Variants in EPHA6 observed in about 807,000 individuals in gnomAD.
EPHA6 encodes EPH receptor A6, also known as ephrin type-A receptor 6.
A neutral mutation model predicts 112.0 loss-of-function variants in EPHA6; 50 were observed. The observed-to-expected ratio is 0.45, with a 90% CI of 0.36 to 0.56. The LOEUF (loss-of-function observed/expected upper bound fraction) is 0.56. Ranked by LOEUF, EPHA6 falls within the 20% of genes least tolerant of loss-of-function variation. The pLI is 0.00. For missense variants in EPHA6, 1,280 were observed against 1,417.4 expected (o/e 0.90, Z 1.56); for synonymous variants, 529 against 490.7 (o/e 1.08, Z -1.03).
At chr3:97,107,356 T>C (rs2047598230) in intron 3 of EPHA6, among the ~76,000 whole-genome samples, 1 of 152,116 alleles carries the variant, frequency 6.6e-6, no homozygotes, top group Non-Finnish European at 1.5e-5. Flanking sequence ...TCCTACTCCC[T>C]TTCATAACCG....
intron 3 of EPHA6, among the ~76,000 whole-genome samples, chr3:97,102,169 C>G (rs987577518): frequency 2.6e-5 from 4 of 152,000 alleles, no homozygotes; most frequent in African/African-American, 9.7e-5. Context: ...TGTTGGAGAG[C>G]CACATTTAGG....
At chr3:97,170,826 A>G (rs1017285549) in intron 3 of EPHA6, among the ~76,000 whole-genome samples, 1 of 152,012 alleles carries the variant, frequency 6.6e-6, no homozygotes, top group African/African-American at 2.4e-5. Flanking sequence ...ATACATATGC[A>G]CTCTTCATAT....
chr3:96,953,618 T>C (rs1012022042), intron 2 of EPHA6, among the ~76,000 whole-genome samples: 2 of 152,234 alleles, frequency 1.3e-5, no homozygotes, highest in African/African-American at 4.8e-5. Flanking sequence ...TTGGTATCTG[T>C]CTTTCAGACC....
intron 1 of EPHA6, among the ~76,000 whole-genome samples, chr3:96,843,908 CTCAGTAGATATACTTTATT>C (rs2034910621): frequency 6.6e-6 from 1 of 151,952 alleles, no homozygotes; most frequent in African/African-American, 2.4e-5. Context: ...CCCAATATTA[CTCAGTAGATATACTTTATT>C]TGAATATATT....
intron 3 of EPHA6, among the ~76,000 whole-genome samples, chr3:97,187,636 GAAA>G: frequency 8.1e-6 from 1 of 123,618 alleles, no homozygotes; most frequent in East Asian, 2.3e-4. Context: ...AGGGAAGAAA[GAAA>G]AAGAGAGAGA....
chr3:97,124,469 A>AAAAGCAAGAAAG, intron 3 of EPHA6, among the ~76,000 whole-genome samples: 1 of 149,856 alleles, frequency 6.7e-6, no homozygotes, highest in East Asian at 2.0e-4. Flanking sequence ...TCTGTTTAAA[A>AAAAGCAAGAAAG]AAAGAAAGAA....
intron 9 of EPHA6, among the ~76,000 whole-genome samples, chr3:97,480,156 G>A (rs2091487435): frequency 6.6e-6 from 1 of 152,070 alleles, no homozygotes; most frequent in Non-Finnish European, 1.5e-5. Context: ...AAGGATTTAA[G>A]TGAGGAACTT....
At chr3:96,862,709 T>A (rs1559781598) in intron 1 of EPHA6, among the ~76,000 whole-genome samples, 2 of 151,964 alleles carry the variant, frequency 1.3e-5, no homozygotes, top group Admixed American at 6.6e-5. Flanking sequence ...TTTAAACTAA[T>A]ACCTTTTAGA....
intron 13 of EPHA6, 25 bp from the exon 14 acceptor site, chr3:97,637,848 T>A (rs369086300): frequency 1.2e-5 from 19 of 1,583,792 alleles, no homozygotes; most frequent in Non-Finnish European, 1.5e-5. Flanking sequence ...ATAAATCAAT[T>A]TACACAATTG....
At chr3:97,455,827 C>T (rs975543081) in intron 7 of EPHA6, among the ~76,000 whole-genome samples, 3 of 151,068 alleles carry the variant, frequency 2.0e-5, no homozygotes, top group Non-Finnish European at 3.0e-5. Flanking sequence ...AAGTAGAAGT[C>T]GCCCTTCAAG....
intron 11 of EPHA6, among the ~76,000 whole-genome samples, chr3:97,544,679 T>C (rs1048222571): frequency 1.3e-5 from 2 of 152,296 alleles, no homozygotes; most frequent in South Asian, 2.1e-4. Context: ...CCAGCTCCTC[T>C]TTGTACCTCT....
At chr3:96,872,422 C>T (rs2036679513) in intron 2 of EPHA6, among the ~76,000 whole-genome samples, 2 of 152,228 alleles carry the variant, frequency 1.3e-5, no homozygotes, top group South Asian at 2.1e-4. Context: ...CTCCTCTCCT[C>T]TTCCTTGCTT....
chr3:97,421,558 C>G (rs1286576061), intron 6 of EPHA6, among the ~76,000 whole-genome samples: 3 of 152,028 alleles, frequency 2.0e-5, no homozygotes, highest in Non-Finnish European at 4.4e-5. Context: ...AATTTTACCC[C>G]AAATGATGTG....
intron 5 of EPHA6, among the ~76,000 whole-genome samples, chr3:97,280,222 A>G (rs2030562057): frequency 6.6e-6 from 1 of 152,236 alleles, no homozygotes; most frequent in South Asian, 2.1e-4. Context: ...ATGAAATTGT[A>G]AAAGTGTAGC....
At chr3:97,645,237 T>A (rs1221209982) in intron 14 of EPHA6, among the ~76,000 whole-genome samples, 3 of 147,914 alleles carry the variant, frequency 2.0e-5, no homozygotes, top group African/African-American at 7.5e-5. Flanking sequence ...GCGGCATTAT[T>A]CACAATAGCA....
chr3:96,883,134 G>T (rs1390564751), intron 2 of EPHA6, among the ~76,000 whole-genome samples: 1 of 152,108 alleles, frequency 6.6e-6, no homozygotes, highest in East Asian at 1.9e-4. Context: ...CAGGAGTAAG[G>T]TGGTATCACA....
At chr3:97,466,429 T>C (rs1056749212) in intron 7 of EPHA6, 1 of 1,587,448 alleles carries the variant, frequency 6.3e-7, no homozygotes, top group African/African-American at 1.4e-5. Context: ...GACTCTCCAT[T>C]TCAAGTGACA....
intron 3 of EPHA6, among the ~76,000 whole-genome samples, chr3:97,019,370 C>T (rs537340406): frequency 6.6e-6 from 1 of 152,244 alleles, no homozygotes; most frequent in South Asian, 2.1e-4. Flanking sequence ...TACTAATCAT[C>T]ACTTGGTCAA....
chr3:96,984,843 C>T (rs1576252080), intron 2 of EPHA6, among the ~76,000 whole-genome samples: 1 of 152,238 alleles, frequency 6.6e-6, no homozygotes. Flanking sequence ...ATGGCACCCT[C>T]TAAGCCAGGT....
Sources: gnomAD v4.1 joint callset for allele counts (sites outside exome capture counted in the v4.1 genomes callset) on GRCh38, gnomAD v4.1.1 for gene constraint, MANE v1.5 for transcripts, NCBI Gene and HGNC (gene_info 2026-07-23, HGNC 2026-07-21) for gene names.